The following DISC1 variants were observed in gnomAD, a reference collection of about 807,000 sequenced individuals.
DISC1 encodes the protein DISC1 scaffold protein, also known as disrupted in schizophrenia 1 protein.
DISC1 carries 57 observed loss-of-function variants against 84.5 expected under a neutral mutation model. The observed-to-expected ratio is 0.67, with a 90% CI of 0.55 to 0.84. The LOEUF (loss-of-function observed/expected upper bound fraction) is 0.84, where lower values mean the gene tolerates loss of function less well. Among genes scored for constraint, DISC1 ranks in the 40% least tolerant of loss-of-function variants. The pLI is 0.00. For synonymous variants in DISC1, 411 were observed against 415.2 expected (o/e 0.99, Z 0.12); for missense variants, 1,000 against 1,057.8 (o/e 0.95, Z 0.76).
rs1558738260 is a variant in DISC1 at position 231,923,306 on chromosome 1, C to CAAAAAAAAAAAAAAA, written c.1982-35522_1982-35521insAAAAAAAAAAAAAAA. On this transcript the variant is annotated intron_variant, in intron 9 of 12. Transcript: ENST00000439617. ...TGTCTCAAAAACAAAACAAAAAAAA[C>CAAAAAAAAAAAAAAA]CAAAAAAAAAAACAAAAAGAAAAAG... 5.5e-5 allele frequency among the ~76,000 whole-genome samples: 6 copies of CAAAAAAAAAAAAAAA among 109,358 alleles called. 1 individual carries two copies. Among genetic ancestry groups the CAAAAAAAAAAAAAAA allele is most frequent in the Admixed American group, 9.4e-5 (1 of 10,678 alleles). The allele number at this position is 109,358 out of a possible 152,430, so 71.7% of individuals were successfully genotyped here.
intron 10 of DISC1, among the ~76,000 whole-genome samples, chr1:231,992,985 A>G (rs1250017198): frequency 1.3e-5 from 2 of 152,198 alleles, no homozygotes; most frequent in African/African-American, 4.8e-5. Context: ...GACAAAACCC[A>G]GAGATCAAGG....
chr1:231,832,226 G>C (rs1352257940), intron 9 of DISC1, among the ~76,000 whole-genome samples: 4 of 152,116 alleles, frequency 2.6e-5, no homozygotes, highest in African/African-American at 9.7e-5. Context: ...GAGAACTGTA[G>C]AGAGTGAGTT....
Position 231,862,576 on chromosome 1 carries a change from G to C in DISC1, c.1981+44059G>C, listed in dbSNP as rs756137671. ...TGTAATATTTTGTTACTTAAGGGTG[G>C]TATCCAGACAACCCTTAGTTAATGT... is the stretch of plus-strand genomic sequence containing the variant. On this transcript the variant is annotated intron_variant, in intron 9 of 12. Transcript: ENST00000439617. 3.9e-5 allele frequency among the ~76,000 whole-genome samples: 6 copies of C among 152,102 alleles called. No individual in the cohort carries two copies. In the South Asian group the frequency reaches 8.3e-4, roughly 21 times the overall value.
intron 8 of DISC1, among the ~76,000 whole-genome samples, chr1:231,812,722 A>T (rs551383282): frequency 6.6e-6 from 1 of 152,160 alleles, no homozygotes; most frequent in Non-Finnish European, 1.5e-5. Flanking sequence ...TGTGAAAGTT[A>T]TGAAGATTCA....
intron 9 of DISC1, among the ~76,000 whole-genome samples, chr1:231,833,260 G>A (rs1046132764): frequency 6.0e-5 from 9 of 151,222 alleles, no homozygotes; most frequent in Admixed American, 2.6e-4. Flanking sequence ...CAGAGTTGGG[G>A]AGTTTTAAGA....
chr1:231,673,786 T>C (rs1456686338), intron 1 of DISC1, among the ~76,000 whole-genome samples: 2 of 152,242 alleles, frequency 1.3e-5, no homozygotes, highest in East Asian at 3.8e-4. Context: ...AGTAGGCTGG[T>C]TATTCTGAAA....
intron 4 of DISC1, among the ~76,000 whole-genome samples, chr1:231,757,405 C>G (rs927876025): frequency 6.6e-6 from 1 of 152,108 alleles, no homozygotes; most frequent in East Asian, 1.9e-4. Flanking sequence ...CAATCAGATC[C>G]TTTATGTTTT....
chr1:231,815,864 G>A (rs2080910856), intron 8 of DISC1, among the ~76,000 whole-genome samples: 1 of 152,094 alleles, frequency 6.6e-6, no homozygotes, highest in African/African-American at 2.4e-5. Context: ...GCATCTTCCT[G>A]CTGATGGATA....
At chr1:231,912,760 TC>T (rs2089321139) in intron 9 of DISC1, among the ~76,000 whole-genome samples, 1 of 127,040 alleles carries the variant, frequency 7.9e-6, no homozygotes, top group African/African-American at 3.2e-5. Flanking sequence ...TTTCTTTCTT[TC>T]TTTCTTTCTT....
At chr1:231,963,598 G>C (rs1196066895) in intron 10 of DISC1, among the ~76,000 whole-genome samples, 3 of 151,764 alleles carry the variant, frequency 2.0e-5, no homozygotes, top group Non-Finnish European at 4.4e-5. Flanking sequence ...AACCTTCCCT[G>C]ACTAACCAAG....
At chr1:231,890,399 G>A (rs1173316159) in intron 9 of DISC1, among the ~76,000 whole-genome samples, 1 of 152,128 alleles carries the variant, frequency 6.6e-6, no homozygotes, top group African/African-American at 2.4e-5. Context: ...CTTTCGTAAA[G>A]CAAAAATAAA....
intron 8 of DISC1, among the ~76,000 whole-genome samples, chr1:231,809,046 C>G (rs1391301168): frequency 1.3e-5 from 2 of 152,140 alleles, no homozygotes; most frequent in African/African-American, 4.8e-5. Context: ...GGAGTAGGGT[C>G]TGGGCCACTG....
Position 232,020,365 on chromosome 1 carries a change from A to G in DISC1, c.2308-6070A>G, listed in dbSNP as rs182422459. 1.9e-3 allele frequency among the ~76,000 whole-genome samples: 282 copies of G among 152,290 alleles called. 1 individual carries two copies. The highest frequency in any genetic ancestry group is 6.4e-3 in the African/African-American group (267 of 41,566). On this transcript the variant is annotated intron_variant, in intron 11 of 12. Coordinates refer to ENST00000439617, the MANE Select transcript of DISC1 (RefSeq NM_018662.3). ...CAAAAAATAAATAAATAAATAAAAA[A>G]TAAAAGGATTCTTCAAGCCTCTTTT...
chr1:231,765,200 A>G (rs1320403919), intron 4 of DISC1, among the ~76,000 whole-genome samples: 1 of 52,454 alleles, frequency 1.9e-5, no homozygotes, highest in Non-Finnish European at 5.4e-5. Flanking sequence ...CCCTACAAAA[A>G]AAAAAAAAAA....
intron 9 of DISC1, among the ~76,000 whole-genome samples, chr1:231,934,596 CTTTGT>C (rs2090870998): frequency 1.3e-5 from 2 of 152,192 alleles, no homozygotes; most frequent in Admixed American, 1.3e-4. Flanking sequence ...AATAGCAATC[CTTTGT>C]AGTTGTAAGA....
rs145043368 is a variant in DISC1, at chr1:231,640,124, T to C, written c.67+13190T>C. Among the ~76,000 whole-genome samples the C allele has an allele frequency of 7.0e-4, 107 of 152,324 alleles. 1 individual carries two copies. Among genetic ancestry groups the C allele is most frequent in the African/African-American group, 2.3e-3 (95 of 41,576 alleles). On this transcript the variant is annotated intron_variant, in intron 1 of 12. Transcript: ENST00000439617. ...AAGGCTTGAGGTTCTCAGAGAATTT[T>C]GGATTTTGGAATTAGAGATGATGCA...
At chr1:231,963,504 C>T (rs1004096423) in intron 10 of DISC1, among the ~76,000 whole-genome samples, 6 of 152,048 alleles carry the variant, frequency 3.9e-5, no homozygotes, top group Admixed American at 3.9e-4. Flanking sequence ...TCTGCATGTG[C>T]CCTGGTGGGC....
chr1:231,976,198 C>T (rs1209921268), intron 10 of DISC1, among the ~76,000 whole-genome samples: 1 of 152,136 alleles, frequency 6.6e-6, no homozygotes, highest in Non-Finnish European at 1.5e-5. Flanking sequence ...ATCCCATCTC[C>T]AGCTCCAGCA....
intron 9 of DISC1, among the ~76,000 whole-genome samples, chr1:231,883,153 G>A (rs2125986338): frequency 6.6e-6 from 1 of 152,154 alleles, no homozygotes; most frequent in African/African-American, 2.4e-5. Flanking sequence ...ATTAATAAGA[G>A]GAATCAAGAA....
Sources: allele counts gnomAD v4.1 joint callset (sites outside exome capture counted in the v4.1 genomes callset), GRCh38; gene constraint gnomAD v4.1.1; transcripts MANE v1.5; gene names NCBI Gene and HGNC (gene_info 2026-07-23, HGNC 2026-07-21).